The following PTPRN2 variants were observed in gnomAD, a reference collection of about 807,000 sequenced individuals.
PTPRN2 encodes the protein receptor-type tyrosine-protein phosphatase N2.
In PTPRN2, 74 loss-of-function variants were observed where a neutral mutation model predicts 118.8. That is an observed-to-expected ratio of 0.62 (90% CI 0.52 to 0.76). The LOEUF is 0.76. Among genes scored for constraint, PTPRN2 ranks in the 30% least tolerant of loss-of-function variants. The pLI, the probability that PTPRN2 is intolerant of heterozygous loss-of-function variation, is 0.00. For synonymous variants in PTPRN2, 641 were observed against 608.0 expected (o/e 1.05, Z -0.80); for missense variants, 1,481 against 1,394.4 (o/e 1.06, Z -0.99).
intron 12 of PTPRN2, among the ~76,000 whole-genome samples, chr7:157,802,424 C>T (rs116091239): frequency 0.024 from 3,687 of 152,278 alleles, 143 homozygotes; most frequent in African/African-American, 0.081. Flanking sequence ...TCCGTCTTGT[C>T]TTAAGGCTGA....
chr7:158,444,597 C>A (rs968700866), intron 2 of PTPRN2, among the ~76,000 whole-genome samples: 1 of 152,198 alleles, frequency 6.6e-6, no homozygotes, highest in African/African-American at 2.4e-5. Flanking sequence ...CCCCCTAGAC[C>A]CAGAGTGAGC....
chr7:157,832,502 T>C (rs570348380), intron 12 of PTPRN2, among the ~76,000 whole-genome samples: 313 of 152,286 alleles, frequency 2.1e-3, no homozygotes, highest in African/African-American at 7.1e-3. Flanking sequence ...TTCCTAAGTT[T>C]CACCCACGCT....
intron 2 of PTPRN2, among the ~76,000 whole-genome samples, chr7:158,385,224 A>G (rs1381486285): frequency 2.0e-5 from 3 of 152,234 alleles, no homozygotes; most frequent in African/African-American, 7.2e-5. Flanking sequence ...CCACTGTAAC[A>G]AAAGCTACTT....
rs562091259 is a variant in PTPRN2 at position 158,184,822 on chromosome 7, A to T, written c.549+7505T>A. Among the ~76,000 whole-genome samples the T allele has an allele frequency of 2.0e-5, 3 of 152,328 alleles. No homozygotes were observed. The South Asian group carries it at 6.2e-4, about 32-fold the overall frequency. On this transcript the variant is annotated intron_variant, in intron 5 of 22. Transcript: ENST00000389418. ...GAATGAACTTCCGTCTCAAAAGAAA[A>T]AAAAAAGATCTTCAATGCAGTGTTG...
Position 157,949,374 on chromosome 7 carries a change from C to T in PTPRN2, c.1724-50637G>A, listed in dbSNP as rs115279543. On this transcript the variant is annotated intron_variant, in intron 11 of 22. Coordinates refer to ENST00000389418, the MANE Select transcript of PTPRN2 (RefSeq NM_002847.5). ...TCTCAATTTTTTAAAAAGACTCCCT[C>T]AATTTAGTTTTGTTTCATTCATCTA... Among the ~76,000 whole-genome samples, 1,270 of 152,326 alleles carry T rather than the reference C, an allele frequency of 8.3e-3. 20 individuals carry two copies. The highest frequency in any genetic ancestry group is 0.029 in the African/African-American group (1,187 of 41,564).
chr7:157,621,560 C>G (rs758381911), intron 14 of PTPRN2, 51 bp from the exon 15 acceptor site: 3 of 1,598,064 alleles, frequency 1.9e-6, no homozygotes, highest in Non-Finnish European at 2.6e-6. Flanking sequence ...GAGCCCAGAC[C>G]GGCAGATGCA....
At chr7:157,876,955 C>T (rs916462702) in intron 12 of PTPRN2, among the ~76,000 whole-genome samples, 4 of 152,222 alleles carry the variant, frequency 2.6e-5, no homozygotes, top group African/African-American at 9.6e-5. Flanking sequence ...GCCTCGCTAG[C>T]CTTTACCCAC....
rs1300543126 is a variant in PTPRN2, at chr7:157,690,867, G to T, written c.1789-7930C>A. Among the ~76,000 whole-genome samples the T allele has an allele frequency of 6.8e-6, 1 of 146,172 alleles. No individual in the cohort carries two copies. The highest frequency in any genetic ancestry group is 1.5e-5 in the Non-Finnish European group (1 of 65,830). On this transcript the variant is annotated intron_variant, in intron 12 of 22. Transcript: ENST00000389418. This position sits in a 1 kb window ranked among gnomAD's most constrained non-coding sequence, Gnocchi z 7.1. ...AGCTCCGCGTGCTCCGCCCCGGCCC[G>T]GCCCCCGGGCTAGGCACGCTGGGCC... is the stretch of plus-strand genomic sequence containing the variant.
intron 21 of PTPRN2, among the ~76,000 whole-genome samples, chr7:157,555,188 C>T (rs1317348458): frequency 6.6e-6 from 1 of 152,188 alleles, no homozygotes; most frequent in East Asian, 1.9e-4. Flanking sequence ...GTAAATCGCT[C>T]TCATTGTTAT....
At position 157,684,582 on chromosome 7, in the gene PTPRN2, TCCTCCCCTCC is replaced by T. The variant is rs555513460; in HGVS notation, c.1789-1655_1789-1646del. Among the ~76,000 whole-genome samples the T allele has an allele frequency of 5.2e-4, 65 of 124,130 alleles. 2 individuals carry two copies. In the South Asian group the frequency reaches 0.015, roughly 29 times the overall value. 81.4% of individuals were successfully genotyped at this position (124,130 alleles called of 152,430 possible). On this transcript the variant is annotated intron_variant, in intron 12 of 22. Transcript: ENST00000389418. ...TCCGGTCCGCGCCCCCTCCCCGGTC[TCCTCCCCTCC>T]CCTCCCCTCCGCCCCCCTCCCTCCG...
chr7:158,535,530 G>A (rs1236466063), intron 1 of PTPRN2, among the ~76,000 whole-genome samples: 2 of 152,078 alleles, frequency 1.3e-5, no homozygotes, highest in African/African-American at 4.8e-5. Context: ...TTTGTCAACT[G>A]CCTGTTAGAG....
chr7:157,553,883 T>A (rs1798755299), intron 21 of PTPRN2, among the ~76,000 whole-genome samples: 1 of 152,310 alleles, frequency 6.6e-6, no homozygotes, highest in South Asian at 2.1e-4. Flanking sequence ...AGATCTTTCA[T>A]AAGGGACAGA....
At chr7:157,668,586 C>T (rs762055173) in intron 13 of PTPRN2, among the ~76,000 whole-genome samples, 5 of 152,228 alleles carry the variant, frequency 3.3e-5, no homozygotes, top group Non-Finnish European at 7.3e-5. Context: ...CCAGACTGGA[C>T]GTGGCACCAA....
intron 20 of PTPRN2, among the ~76,000 whole-genome samples, chr7:157,571,089 C>T (rs1265112605): frequency 2.7e-5 from 4 of 148,950 alleles, no homozygotes; most frequent in Non-Finnish European, 4.4e-5. Context: ...ACTAAAAATA[C>T]AAAAAAAATT....
chr7:158,415,531 G>C (rs535799040), intron 2 of PTPRN2, among the ~76,000 whole-genome samples: 6 of 152,288 alleles, frequency 3.9e-5, no homozygotes, highest in African/African-American at 1.4e-4. Flanking sequence ...CTGCTTACCA[G>C]ACTTATCTGA....
At chr7:157,751,821 A>T (rs1282121354) in intron 12 of PTPRN2, among the ~76,000 whole-genome samples, 2 of 142,776 alleles carry the variant, frequency 1.4e-5, no homozygotes, top group Non-Finnish European at 3.1e-5. Flanking sequence ...AACACATCTA[A>T]CACAGGCCTT....
chr7:158,392,948 C>T (rs1449231244), intron 2 of PTPRN2, among the ~76,000 whole-genome samples: 1 of 152,190 alleles, frequency 6.6e-6, no homozygotes, highest in Non-Finnish European at 1.5e-5. Flanking sequence ...GCCTGTCAAC[C>T]TCAGTGTCTA....
chr7:157,667,996 C>T (rs1796228228), intron 13 of PTPRN2, among the ~76,000 whole-genome samples: 1 of 152,340 alleles, frequency 6.6e-6, no homozygotes, highest in South Asian at 2.1e-4. Flanking sequence ...GAGCCCCCAC[C>T]CTGAAAGCTT....
intron 1 of PTPRN2, chr7:158,541,837 G>T (rs138014408): frequency 2.9e-6 from 2 of 680,774 alleles, no homozygotes; most frequent in African/African-American, 1.9e-5. Flanking sequence ...AGAGCACCAC[G>T]CATGCGCATC....
Sources: gnomAD v4.1 joint callset for allele counts (sites outside exome capture counted in the v4.1 genomes callset) on GRCh38, gnomAD v4.1.1 for gene constraint, Gnocchi (gnomAD v3.1) non-coding constraint, MANE v1.5 for transcripts, NCBI Gene and HGNC (gene_info 2026-07-23, HGNC 2026-07-21) for gene names.